The following RCBTB1 variants were observed in gnomAD, a reference collection of about 807,000 sequenced individuals.
RCBTB1 encodes RCC1 and BTB domain containing protein 1.
In RCBTB1, 46 loss-of-function variants were observed where a neutral mutation model predicts 62.4. The observed-to-expected ratio is 0.74, with a 90% CI of 0.58 to 0.94. The LOEUF is 0.94. Among genes scored for constraint, RCBTB1 ranks in the 40% least tolerant of loss-of-function variants. The probability of loss-of-function intolerance (pLI) is 0.00; values close to 1 mark genes in which losing one functional copy is unlikely to be tolerated. For missense variants in RCBTB1, 565 were observed against 654.9 expected (o/e 0.86, Z 1.50); for synonymous variants, 222 against 245.8 (o/e 0.90, Z 0.91).
intron 12 of RCBTB1, among the ~76,000 whole-genome samples, chr13:49,534,569 A>G (rs953993172): frequency 3.3e-5 from 5 of 152,234 alleles, no homozygotes; most frequent in Non-Finnish European, 7.3e-5. Flanking sequence ...CACGATTATC[A>G]CATAATCTAG....
At chr13:49,576,058 G>A (rs1031324750) in intron 2 of RCBTB1, among the ~76,000 whole-genome samples, 4 of 151,700 alleles carry the variant, frequency 2.6e-5, no homozygotes, top group Admixed American at 1.3e-4. Context: ...GTGGTGGCGG[G>A]CACCAGTAGT....
intron 2 of RCBTB1, among the ~76,000 whole-genome samples, chr13:49,572,771 T>A (rs1316680183): frequency 2.0e-5 from 3 of 152,220 alleles, no homozygotes; most frequent in Non-Finnish European, 4.4e-5. Flanking sequence ...GCAACTGTCC[T>A]GAGTGATAAG....
intron 2 of RCBTB1, among the ~76,000 whole-genome samples, chr13:49,572,178 T>C (rs111490732): frequency 3.2e-3 from 494 of 152,008 alleles, no homozygotes; most frequent in Non-Finnish European, 5.9e-3. Context: ...AATACAGAAA[T>C]TATCCAGGAG....
chr13:49,559,395 G>A (rs1162296556), intron 5 of RCBTB1, among the ~76,000 whole-genome samples: 5 of 152,126 alleles, frequency 3.3e-5, no homozygotes, highest in East Asian at 1.9e-4. Flanking sequence ...GGTGGCTCAC[G>A]CCTGTAATCC....
chr13:49,541,640 C>G, intron 11 of RCBTB1, 36 bp downstream of exon 11: 1 of 1,574,108 alleles, frequency 6.4e-7, no homozygotes, highest in Non-Finnish European at 8.6e-7. Context: ...ATATTCTCCA[C>G]CATGCGGCTC....
rs187198995 is a variant in RCBTB1 at position 49,544,337 on chromosome 13, C to T, written c.1172+400G>A. ...ATACAAAATTAGCCAGGCATGGTGG[C>T]GCCTGCCTGTAATCCCAGCTACTCA... On this transcript the variant is annotated intron_variant, in intron 10 of 12. Coordinates refer to ENST00000378302, the MANE Select transcript of RCBTB1 (RefSeq NM_018191.4). 2.8e-3 allele frequency among the ~76,000 whole-genome samples: 427 copies of T among 152,174 alleles called. 1 individual carries two copies. Among genetic ancestry groups the T allele is most frequent in the African/African-American group, 9.9e-3 (411 of 41,526 alleles).
Position 49,534,068 on chromosome 13 carries a change from C to A in RCBTB1, c.*54G>T. 2 of 1,564,876 alleles carry A rather than the reference C, an allele frequency of 1.3e-6. No individual in the cohort carries two copies. Among genetic ancestry groups the A allele is most frequent in the Non-Finnish European group, 8.7e-7 (1 of 1,153,092 alleles). ...CATCACCCGTAGAGCACAAACTGGA[C>A]ACATCCTCAACAGTGCCCCAGAGCA... On this transcript the variant is annotated 3_prime_UTR_variant, in exon 13 of 13. Coordinates refer to ENST00000378302, the MANE Select transcript of RCBTB1 (RefSeq NM_018191.4).
At chr13:49,546,798 G>T in intron 9 of RCBTB1, 1 of 207,082 alleles carries the variant, frequency 4.8e-6, no homozygotes, top group Non-Finnish European at 8.5e-6. Flanking sequence ...ATGGGGAGCA[G>T]CTGTAAATAC....
chr13:49,546,372 A>G, intron 9 of RCBTB1: 1 of 985,172 alleles, frequency 1.0e-6, no homozygotes, highest in South Asian at 4.7e-5. Flanking sequence ...GAAGGGAAAG[A>G]AGTTATCTAG....
At chr13:49,548,897 C>CTTTGGG (rs1566226559) in intron 9 of RCBTB1, among the ~76,000 whole-genome samples, 1 of 97,250 alleles carries the variant, frequency 1.0e-5, no homozygotes, top group African/African-American at 6.3e-5. Context: ...AGGCCAGGCA[C>CTTTGGG]AGTGGCAGGT....
At chr13:49,562,478 C>T (rs941518310) in intron 4 of RCBTB1, among the ~76,000 whole-genome samples, 2 of 143,928 alleles carry the variant, frequency 1.4e-5, no homozygotes, top group African/African-American at 5.2e-5. Context: ...CAAGATTGCA[C>T]CACTGCACTC....
At chr13:49,550,385 C>A (rs1961226869) in intron 8 of RCBTB1, 3 of 961,900 alleles carry the variant, frequency 3.1e-6, no homozygotes, top group Non-Finnish European at 3.7e-6. Context: ...ACGTTCCAAT[C>A]CAAAAGGAAA....
In RCBTB1 at chr13:49,534,081, G is replaced by A. The variant is rs1959744563; in HGVS notation, c.*41C>T. 1.3e-6 allele frequency: 2 copies of A among 1,595,028 alleles called. No individual in the cohort carries two copies. The highest frequency in any genetic ancestry group is 1.7e-6 in the Non-Finnish European group (2 of 1,169,698). On this transcript the variant is annotated 3_prime_UTR_variant, in exon 13 of 13. Coordinates refer to ENST00000378302, the MANE Select transcript of RCBTB1 (RefSeq NM_018191.4). ...GCACAAACTGGACACATCCTCAACA[G>A]TGCCCCAGAGCACTCACACAGAACC...
intron 10 of RCBTB1, among the ~76,000 whole-genome samples, chr13:49,544,260 G>C (rs183907481): frequency 6.6e-6 from 1 of 152,052 alleles, no homozygotes; most frequent in African/African-American, 2.4e-5. Flanking sequence ...ACCTGAGATC[G>C]GGAGTTCGAG....
chr13:49,570,293 T>G (rs1437508991), intron 2 of RCBTB1, among the ~76,000 whole-genome samples: 1 of 152,212 alleles, frequency 6.6e-6, no homozygotes, highest in African/African-American at 2.4e-5. Flanking sequence ...CAAGCTAACC[T>G]TCATAATGAT....
chr13:49,566,287 TAAA>T (rs768635952), intron 4 of RCBTB1, among the ~76,000 whole-genome samples: 36,702 of 150,798 alleles, frequency 0.24, 5,826 homozygotes, highest in African/African-American at 0.44. Flanking sequence ...AATAAATAAA[TAAA>T]TAAATAAATA....
At chr13:49,555,464 G>C (rs373602247) in intron 6 of RCBTB1, 51 bp downstream of exon 6, 2 of 1,434,152 alleles carry the variant, frequency 1.4e-6, no homozygotes, top group Non-Finnish European at 2.0e-6. Flanking sequence ...AGAAACTGAC[G>C]TGTAATTGAA....
chr13:49,561,502 C>T (rs978715361), intron 4 of RCBTB1, among the ~76,000 whole-genome samples: 6 of 152,106 alleles, frequency 3.9e-5, no homozygotes, highest in Admixed American at 2.0e-4. Flanking sequence ...TTAAAAGCTA[C>T]GGCAGGTGAA....
intron 4 of RCBTB1, among the ~76,000 whole-genome samples, chr13:49,565,153 T>C (rs1594319590): frequency 6.6e-6 from 1 of 152,318 alleles, no homozygotes; most frequent in East Asian, 1.9e-4. Flanking sequence ...TGCCTGCGAT[T>C]GCAGGGGCGC....
Sources: allele counts gnomAD v4.1 joint callset (sites outside exome capture counted in the v4.1 genomes callset), GRCh38; gene constraint gnomAD v4.1.1; transcripts MANE v1.5; gene names NCBI Gene and HGNC (gene_info 2026-07-23, HGNC 2026-07-21).